Variants in MAP3K13 observed in about 807,000 individuals in gnomAD.
The protein encoded by MAP3K13 is mitogen-activated protein kinase kinase kinase 13.
In MAP3K13, 52 loss-of-function variants were observed where a neutral mutation model predicts 104.0. The ratio of observed to expected loss-of-function variants is 0.50; its 90% CI spans 0.40 to 0.63. MAP3K13 has a LOEUF of 0.63. Among genes scored for constraint, MAP3K13 ranks in the 20% least tolerant of loss-of-function variants. MAP3K13 has a pLI of 0.00. For missense variants in MAP3K13, 914 were observed against 1,218.5 expected, an observed-to-expected ratio of 0.75 and a Z score of 3.72; for synonymous variants, 394 against 442.2, an observed-to-expected ratio of 0.89 and a Z score of 1.37.
At chr3:185,477,464 C>A in intron 12 of MAP3K13, 68 bp downstream of exon 12, 2 of 1,175,558 alleles carry the variant, frequency 1.7e-6, no homozygotes, top group South Asian at 1.3e-5. Flanking sequence ...GTTTGCCACA[C>A]CTGCTCTTCA....
At position 185,482,628 on chromosome 3, in the gene MAP3K13, C is replaced by T. The variant is rs1718530039; in HGVS notation, c.*172C>T. 1 of 530,786 alleles carries T rather than the reference C, an allele frequency of 1.9e-6. No homozygotes were observed. The highest frequency in any genetic ancestry group is 3.3e-6 in the Non-Finnish European group (1 of 299,442). 32.9% of individuals were successfully genotyped at this position (530,786 alleles called of 1,614,324 possible). On this transcript the variant is annotated 3_prime_UTR_variant, in exon 14 of 14. Coordinates refer to ENST00000265026, the MANE Select transcript of MAP3K13 (RefSeq NM_004721.5). This position sits in a 1 kb window ranked among gnomAD's most constrained non-coding sequence, Gnocchi z 4.5. The stretch of plus-strand genomic sequence containing the variant: ...AACAGGAACATGAGACTTCGCAAAT[C>T]TCTGGAAAATAATATCCAAATGAAA...
At chr3:185,307,020 C>A (rs989693009) in intron 2 of MAP3K13, among the ~76,000 whole-genome samples, 1 of 152,180 alleles carries the variant, frequency 6.6e-6, no homozygotes, top group Non-Finnish European at 1.5e-5. Context: ...ACCACTCTCT[C>A]GTCTGCAGTG....
At chr3:185,405,618 A>G (rs1560089288) in intron 1 of MAP3K13, among the ~76,000 whole-genome samples, 1 of 151,758 alleles carries the variant, frequency 6.6e-6, no homozygotes, top group Non-Finnish European at 1.5e-5. Flanking sequence ...TCCATCCTTC[A>G]CTCGTTCTTC....
chr3:185,470,961 A>T (rs1336637897), intron 10 of MAP3K13, among the ~76,000 whole-genome samples: 1 of 152,232 alleles, frequency 6.6e-6, no homozygotes, highest in East Asian at 1.9e-4. Context: ...GTCTTTTTAC[A>T]TTATTAACTG....
At chr3:185,306,028 A>G (rs1180025041) in intron 2 of MAP3K13, among the ~76,000 whole-genome samples, 1 of 152,178 alleles carries the variant, frequency 6.6e-6, no homozygotes, top group African/African-American at 2.4e-5. Context: ...GAGAACATGT[A>G]GTATTTGGTT....
chr3:185,304,909 G>T (rs1051145405), intron 2 of MAP3K13, among the ~76,000 whole-genome samples: 27 of 137,942 alleles, frequency 2.0e-4, no homozygotes, highest in African/African-American at 7.2e-4. Flanking sequence ...TGGGATTACA[G>T]GCGTGAGCCA....
chr3:185,298,303 T>C (rs1364357603), intron 2 of MAP3K13, among the ~76,000 whole-genome samples: 1 of 152,084 alleles, frequency 6.6e-6, no homozygotes, highest in African/African-American at 2.4e-5. Flanking sequence ...AAATGAACCA[T>C]AGACTTAGGG....
chr3:185,396,949 C>T (rs1412120506), intron 1 of MAP3K13, among the ~76,000 whole-genome samples: 4 of 152,168 alleles, frequency 2.6e-5, no homozygotes, highest in African/African-American at 9.7e-5. Flanking sequence ...ACTTGCTATA[C>T]GTGTCATTGT....
At chr3:185,323,327 G>T (rs1577423602) in intron 2 of MAP3K13, among the ~76,000 whole-genome samples, 1 of 149,562 alleles carries the variant, frequency 6.7e-6, no homozygotes, top group East Asian at 1.9e-4. Flanking sequence ...ATTACATTTG[G>T]CATACCTTTT....
At position 185,466,833 on chromosome 3, in the gene MAP3K13, C is replaced by A; in HGVS notation, c.1513C>A (p.Gln505Lys). The change falls in exon 10 of 14, where the codon CAA (glutamine) becomes AAA (lysine). Residue 505 changes from glutamine to lysine, a missense_variant. This residue lies in a region of MAP3K13 where 583 missense variants were observed against 737.4 expected (regional missense o/e 0.79). Coordinates refer to ENST00000265026, the MANE Select transcript of MAP3K13 (RefSeq NM_004721.5). Reference protein sequence around the residue: ...MREKELIKREQAVEKKYPGTY... With the variant: ...MREKELIKREKAVEKKYPGTY... ...TTTGCCTTTATTCTGCAGGCGTGAG[C>A]AAGCAGTGGAAAAGAAGTATCCTGG... The A allele has an allele frequency of 6.2e-7, 1 of 1,613,922 alleles. No individual in the cohort carries two copies. Among genetic ancestry groups the A allele is most frequent in the South Asian group, 1.1e-5 (1 of 91,072 alleles).
rs553747154 is a variant in MAP3K13, at chr3:185,454,988, G to T, written c.1278+3593G>T. ...TGAGATATATATATGATATATATGA[G>T]ATATATATGATATATATGAGATATA... On this transcript the variant is annotated intron_variant, in intron 7 of 13. Coordinates refer to ENST00000265026, the MANE Select transcript of MAP3K13 (RefSeq NM_004721.5). Among the ~76,000 whole-genome samples the T allele has an allele frequency of 1.3e-4, 4 of 30,490 alleles. 1 individual carries two copies. The highest frequency in any genetic ancestry group is 5.1e-4 in the Admixed American group (1 of 1,980). The allele number at this position is 30,490 out of a possible 152,430, so 20.0% of individuals were successfully genotyped here.
chr3:185,334,240 T>C (rs1296462057), intron 2 of MAP3K13, among the ~76,000 whole-genome samples: 2 of 152,246 alleles, frequency 1.3e-5, no homozygotes, highest in African/African-American at 4.8e-5. Context: ...CATTTCTCCC[T>C]AAATCAGTCT....
At chr3:185,359,293 A>T (rs190243112), upstream of MAP3K13, among the ~76,000 whole-genome samples, 2 of 152,282 alleles carry the variant, frequency 1.3e-5, no homozygotes, top group East Asian at 3.9e-4. Context: ...AACAGTATGG[A>T]GGAACTGCCC....
rs780508755 is a variant in MAP3K13, at chr3:185,443,456, C to T, written c.671C>T (p.Thr224Ile). The change falls in exon 4 of 14, where the codon ACT (threonine) becomes ATT (isoleucine). Residue 224 changes from threonine (T) to isoleucine (I), a missense_variant. Around this residue, in one of 3 missense-constraint regions of MAP3K13, gnomAD observed 175 missense variants for 321.3 expected, o/e 0.54. Transcript: ENST00000265026. ...TGTTTTCTTGGAAGGGGTGTTTGTACTCAGGCCCCATGTTATTGTATTATC... is the reference window on the plus strand; with the variant it reads ...TGTTTTCTTGGAAGGGGTGTTTGTATTCAGGCCCCATGTTATTGTATTATC... The part of the protein sequence containing the change: ...PNIIAFKGVC[T>I]QAPCYCIIME... 6.8e-6 allele frequency: 11 copies of T among 1,610,624 alleles called. No homozygotes were observed. The Admixed American group carries it at 1.2e-4, about 17-fold the overall frequency.
intron 2 of MAP3K13, among the ~76,000 whole-genome samples, chr3:185,293,688 G>A (rs1188529467): frequency 6.6e-6 from 1 of 152,200 alleles, no homozygotes; most frequent in African/African-American, 2.4e-5. Context: ...GCCTCCCAAA[G>A]TGCTGGGATT....
intron 2 of MAP3K13, among the ~76,000 whole-genome samples, chr3:185,349,642 C>T (rs927265736): frequency 3.3e-5 from 5 of 152,142 alleles, no homozygotes; most frequent in East Asian, 1.9e-4. Flanking sequence ...GTATGTGAGA[C>T]GTATTAAGAA....
intron 2 of MAP3K13, among the ~76,000 whole-genome samples, chr3:185,337,610 A>G (rs1258901199): frequency 2.0e-5 from 3 of 152,238 alleles, no homozygotes; most frequent in Non-Finnish European, 4.4e-5. Flanking sequence ...GAAATTCCAC[A>G]GAAGGCATAT....
chr3:185,454,740 TATATCATATATATGAGATA>T (rs1716259478), intron 7 of MAP3K13, among the ~76,000 whole-genome samples: 1 of 16,690 alleles, frequency 6.0e-5, no homozygotes, highest in Non-Finnish European at 2.4e-4. Flanking sequence ...ATATGATATA[TATATCATATATATGAGATA>T]TATATGACAT....
chr3:185,334,983 A>T (rs1350859560), intron 2 of MAP3K13, among the ~76,000 whole-genome samples: 1 of 152,078 alleles, frequency 6.6e-6, no homozygotes, highest in Non-Finnish European at 1.5e-5. Flanking sequence ...ATAGACATGG[A>T]TGTACTGATA....
Sources: allele counts gnomAD v4.1 joint callset (sites outside exome capture counted in the v4.1 genomes callset), GRCh38; gene constraint gnomAD v4.1.1; regional missense constraint gnomAD v4.1.1; non-coding constraint Gnocchi (gnomAD v3.1); transcripts MANE v1.5; gene names NCBI Gene and HGNC (gene_info 2026-07-23, HGNC 2026-07-21).